Variants in ST3GAL6 observed in about 807,000 individuals in gnomAD.
ST3GAL6 encodes the protein ST3 beta-galactoside alpha-2,3-sialyltransferase 6.
ST3GAL6 carries 31 observed loss-of-function variants against 40.5 expected under a neutral mutation model. The ratio of observed to expected loss-of-function variants is 0.77; its 90% confidence interval spans 0.58 to 1.03. The LOEUF (loss-of-function observed/expected upper bound fraction) is 1.03, where lower values mean the gene tolerates loss of function less well. ST3GAL6 is among the 50% of genes least tolerant of loss of function. The probability of loss-of-function intolerance (pLI) is 0.00; values close to 1 mark genes in which losing one functional copy is unlikely to be tolerated. For missense variants in ST3GAL6, 357 were observed against 393.2 expected (o/e 0.91, Z 0.78); for synonymous variants, 129 against 136.9 (o/e 0.94, Z 0.40).
rs545318391 is a variant in ST3GAL6 at position 98,794,076 on chromosome 3, A to T, written c.*315A>T. ...TTTGAAGGGATATGACTTCCTACTAAGGATTTAGTTTACCACAACAATTCT... is the reference window on the plus strand; with the variant it reads ...TTTGAAGGGATATGACTTCCTACTATGGATTTAGTTTACCACAACAATTCT... On this transcript the variant is annotated 3_prime_UTR_variant, in exon 10 of 10. Coordinates refer to ENST00000483910, the MANE Select transcript of ST3GAL6 (RefSeq NM_001323368.2). 5.7e-6 allele frequency: 1 copy of T among 174,040 alleles called. No individual in the cohort carries two copies. The highest frequency in any genetic ancestry group is 1.2e-5 in the Non-Finnish European group (1 of 82,432). 10.8% of individuals were successfully genotyped at this position (174,040 alleles called of 1,614,324 possible). A position where few individuals can be genotyped will look rare whatever the true frequency, so the allele number is the denominator to read the frequency against.
chr3:98,734,258 G>T (rs534919918), intron 1 of ST3GAL6, among the ~76,000 whole-genome samples: 2 of 152,290 alleles, frequency 1.3e-5, no homozygotes, highest in African/African-American at 4.8e-5. Flanking sequence ...AAAGCATGCC[G>T]ATTTGACATT....
chr3:98,766,272 A>G (rs1938310419), intron 1 of ST3GAL6, among the ~76,000 whole-genome samples: 1 of 152,222 alleles, frequency 6.6e-6, no homozygotes, highest in South Asian at 2.1e-4. Context: ...TGGAGAATAC[A>G]TAGGAATTTT....
chr3:98,767,120 T>TAATAGCAGCAAGAA (rs1241394299), intron 1 of ST3GAL6, among the ~76,000 whole-genome samples: 1 of 152,140 alleles, frequency 6.6e-6, no homozygotes, highest in East Asian at 1.9e-4. Context: ...GTGACTGCAT[T>TAATAGCAGCAAGAA]AATAGCAGCA....
intron 1 of ST3GAL6, among the ~76,000 whole-genome samples, chr3:98,757,747 AGGTT>A (rs1937520038): frequency 6.6e-6 from 1 of 152,102 alleles, no homozygotes; most frequent in Non-Finnish European, 1.5e-5. Flanking sequence ...CCTTTCGTAA[AGGTT>A]GGTTTTGAGG....
At chr3:98,789,986 C>T (rs1350627199) in intron 8 of ST3GAL6, among the ~76,000 whole-genome samples, 1 of 152,066 alleles carries the variant, frequency 6.6e-6, no homozygotes, top group Non-Finnish European at 1.5e-5. Context: ...AAATAATAAA[C>T]CCTGGTTTTA....
chr3:98,760,045 A>G (rs1937616745), upstream of ST3GAL6, among the ~76,000 whole-genome samples: 1 of 152,198 alleles, frequency 6.6e-6, no homozygotes, highest in East Asian at 1.9e-4. Context: ...AAAGCCACTT[A>G]TTTTCAAAGG....
chr3:98,743,034 G>A (rs1936248962), intron 1 of ST3GAL6, among the ~76,000 whole-genome samples: 1 of 135,354 alleles, frequency 7.4e-6, no homozygotes, highest in Non-Finnish European at 1.6e-5. Context: ...TCTGAGACAA[G>A]GTCTTGCTCT....
chr3:98,755,086 C>T (rs1213652810), intron 1 of ST3GAL6, among the ~76,000 whole-genome samples: 6 of 152,158 alleles, frequency 3.9e-5, no homozygotes, highest in Admixed American at 1.3e-4. Flanking sequence ...CTCGCTCTGT[C>T]GCCCAGCCTG....
chr3:98,739,966 G>A (rs2107273084), intron 1 of ST3GAL6, among the ~76,000 whole-genome samples: 1 of 152,294 alleles, frequency 6.6e-6, no homozygotes, highest in Non-Finnish European at 1.5e-5. Flanking sequence ...TCTGTTGTAA[G>A]TGATCTTGTG....
chr3:98,754,102 T>C (rs751559527), intron 1 of ST3GAL6, among the ~76,000 whole-genome samples: 1 of 152,194 alleles, frequency 6.6e-6, no homozygotes, highest in African/African-American at 2.4e-5. Context: ...AGGTGTCACA[T>C]AGATAGTGTG....
chr3:98,735,564 C>G (rs1272590053), intron 1 of ST3GAL6, among the ~76,000 whole-genome samples: 1 of 152,116 alleles, frequency 6.6e-6, no homozygotes, highest in Non-Finnish European at 1.5e-5. Flanking sequence ...AAAGTTCTTT[C>G]CTTTCTGAAT....
intron 9 of ST3GAL6, 50 bp from the exon 10 acceptor site, chr3:98,793,625 A>ATACTT (rs766337842): frequency 2.4e-6 from 3 of 1,258,454 alleles, no homozygotes; most frequent in Non-Finnish European, 3.3e-6. Flanking sequence ...GGTGCTGCTA[A>ATACTT]TACTTTGAGA....
rs1374152638 is a variant in ST3GAL6 at position 98,794,650 on chromosome 3, C to T, written c.*889C>T. 2 of 152,162 alleles carry T rather than the reference C, an allele frequency of 1.3e-5. No individual in the cohort carries two copies. Among genetic ancestry groups the T allele is most frequent in the African/African-American group, 4.8e-5 (2 of 41,426 alleles). 9.4% of individuals were successfully genotyped at this position (152,162 alleles called of 1,614,324 possible). ...CTCACACCTGTAATCCTAACAAACA[C>T]TTTGGGAGGCCGAGGGAGGCAGCTG... On this transcript the variant is annotated 3_prime_UTR_variant, in exon 10 of 10. Transcript: ENST00000483910.
chr3:98,782,674 C>A (rs1940252020), intron 5 of ST3GAL6: 3 of 445,694 alleles, frequency 6.7e-6, no homozygotes. Context: ...CTTTGAGATA[C>A]CATATTGCTG....
intron 6 of ST3GAL6, among the ~76,000 whole-genome samples, chr3:98,787,789 T>C (rs1263483274): frequency 6.6e-6 from 1 of 152,242 alleles, no homozygotes; most frequent in Non-Finnish European, 1.5e-5. Context: ...TAAGACTGAA[T>C]TATCATTGGC....
chr3:98,782,160 A>G, intron 5 of ST3GAL6: 1 of 681,202 alleles, frequency 1.5e-6, no homozygotes, highest in Non-Finnish European at 2.7e-6. Context: ...GATTGAAATC[A>G]AACTTGCTTG....
At chr3:98,775,816 C>G (rs3755574) in intron 5 of ST3GAL6, among the ~76,000 whole-genome samples, 52,033 of 152,062 alleles carry the variant, frequency 0.34, 9,085 homozygotes, top group Non-Finnish European at 0.38. Flanking sequence ...TTAGCATTAC[C>G]TTTCTTGGGA....
At chr3:98,775,703 G>T (rs76210043) in intron 5 of ST3GAL6, among the ~76,000 whole-genome samples, 1 of 152,086 alleles carries the variant, frequency 6.6e-6, no homozygotes, top group African/African-American at 2.4e-5. Flanking sequence ...GCCTCCATCA[G>T]GCTAATTTTT....
chr3:98,766,931 G>A (rs1171221493), intron 1 of ST3GAL6, among the ~76,000 whole-genome samples: 2 of 152,182 alleles, frequency 1.3e-5, no homozygotes, highest in African/African-American at 4.8e-5. Flanking sequence ...CATATGTAGA[G>A]TTAGGCTGTG....
Sources: allele counts gnomAD v4.1 joint callset (sites outside exome capture counted in the v4.1 genomes callset), GRCh38; gene constraint gnomAD v4.1.1; transcripts MANE v1.5; gene names NCBI Gene and HGNC (gene_info 2026-07-23, HGNC 2026-07-21).